The following AKAP6 variants were observed in gnomAD, a reference collection of about 807,000 sequenced individuals.
AKAP6 encodes the protein A-kinase anchor protein 6.
A neutral mutation model predicts 188.5 loss-of-function variants in AKAP6; 58 were observed. The ratio of observed to expected loss-of-function variants is 0.31; its 90% CI spans 0.25 to 0.38. The LOEUF is 0.38. Among genes scored for constraint, AKAP6 ranks in the 10% least tolerant of loss-of-function variants. The pLI is 1.00. For synonymous variants in AKAP6, 989 were observed against 998.6 expected (o/e 0.99, Z 0.18); for missense variants, 2,710 against 2,740.0 (o/e 0.99, Z 0.24).
chr14:32,769,937 A>G (rs2032847742), intron 11 of AKAP6, among the ~76,000 whole-genome samples: 1 of 152,192 alleles, frequency 6.6e-6, no homozygotes, highest in African/African-American at 2.4e-5. Flanking sequence ...CTGTTTGCAT[A>G]TATGCACATA....
intron 8 of AKAP6, among the ~76,000 whole-genome samples, chr14:32,684,696 G>T (rs1042595400): frequency 6.6e-6 from 1 of 150,828 alleles, no homozygotes; most frequent in Non-Finnish European, 1.5e-5. Context: ...ACCAAGATAT[G>T]ATATCTCAGT....
chr14:32,428,334 G>A (rs1363857713), intron 1 of AKAP6, among the ~76,000 whole-genome samples: 1 of 152,038 alleles, frequency 6.6e-6, no homozygotes, highest in Non-Finnish European at 1.5e-5. Flanking sequence ...CAATCCTGGA[G>A]CTTATACATT....
chr14:32,566,851 G>T (rs1023205317), intron 4 of AKAP6, among the ~76,000 whole-genome samples: 2 of 152,012 alleles, frequency 1.3e-5, no homozygotes. Context: ...TTAGGTCTGC[G>T]TACTTGATTA....
chr14:32,829,578 T>A (rs1594995711), intron 13 of AKAP6, among the ~76,000 whole-genome samples: 1 of 151,846 alleles, frequency 6.6e-6, no homozygotes, highest in African/African-American at 2.4e-5. Context: ...AAGGTCAAAC[T>A]TGATGATTTT....
At chr14:32,378,121 A>C (rs1456680528) in intron 1 of AKAP6, among the ~76,000 whole-genome samples, 1 of 152,210 alleles carries the variant, frequency 6.6e-6, no homozygotes, top group African/African-American at 2.4e-5. Context: ...TAGTGACATT[A>C]TGGTATGTAA....
intron 12 of AKAP6, among the ~76,000 whole-genome samples, chr14:32,784,026 A>T (rs1326876517): frequency 2.0e-5 from 3 of 152,204 alleles, no homozygotes; most frequent in Non-Finnish European, 4.4e-5. Flanking sequence ...TTATGGATCA[A>T]ATTTTCGTAT....
intron 8 of AKAP6, among the ~76,000 whole-genome samples, chr14:32,683,637 C>T (rs1365012762): frequency 2.0e-5 from 3 of 152,176 alleles, no homozygotes; most frequent in Non-Finnish European, 2.9e-5. Flanking sequence ...ATATGGAAAT[C>T]AGGAAAACCT....
chr14:32,716,538 A>C (rs2030213220), intron 9 of AKAP6, among the ~76,000 whole-genome samples: 1 of 149,530 alleles, frequency 6.7e-6, no homozygotes, highest in South Asian at 2.1e-4. Flanking sequence ...TACTACATAT[A>C]TACTATATAC....
chr14:32,504,035 T>G (rs2138993581), intron 2 of AKAP6, among the ~76,000 whole-genome samples: 1 of 152,044 alleles, frequency 6.6e-6, no homozygotes, highest in East Asian at 1.9e-4. Flanking sequence ...GTTGCTATTT[T>G]GAGGATATGG....
chr14:32,370,548 C>T lies in AKAP6; in HGVS notation c.-35+41140C>T, dbSNP rs187771481. ...GAGCTCTGCAGTGTCTTTTATTGCA[C>T]GGTTCTGAGGCTTTGCCGTTAACAA... On this transcript the variant is annotated intron_variant, in intron 1 of 13. Transcript: ENST00000280979. Among the ~76,000 whole-genome samples, 555 of 152,274 alleles carry T rather than the reference C, an allele frequency of 3.6e-3. 5 individuals are homozygous for T. The highest frequency in any genetic ancestry group is 6.1e-3 in the Admixed American group (94 of 15,300).
At chr14:32,455,840 TG>T (rs1566513245) in intron 2 of AKAP6, among the ~76,000 whole-genome samples, 1 of 152,206 alleles carries the variant, frequency 6.6e-6, no homozygotes, top group Non-Finnish European at 1.5e-5. Flanking sequence ...CAACCTACTT[TG>T]GAAGTACTGA....
At position 32,554,301 on chromosome 14, in the gene AKAP6, G is replaced by T. The variant is rs546721204; in HGVS notation, c.2346+7302G>T. Among the ~76,000 whole-genome samples, 4 of 152,302 alleles carry T rather than the reference G, an allele frequency of 2.6e-5. No individual in the cohort carries two copies. The East Asian group carries it at 5.8e-4, about 22-fold the overall frequency. On this transcript the variant is annotated intron_variant, in intron 4 of 13. Transcript: ENST00000280979. ...CTCTTGCCTTTTACAGAACAAATTT[G>T]CTGACCCCTGCTCTTGAGTAAGGAA...
chr14:32,653,335 T>G (rs906195011), intron 7 of AKAP6, among the ~76,000 whole-genome samples: 71 of 152,156 alleles, frequency 4.7e-4, no homozygotes, highest in African/African-American at 1.5e-3. Context: ...TCCCCAATGC[T>G]GGAGGCAGGG....
chr14:32,467,957 CTT>C (rs2138850175), intron 2 of AKAP6, among the ~76,000 whole-genome samples: 2 of 152,100 alleles, frequency 1.3e-5, no homozygotes, highest in African/African-American at 4.8e-5. Context: ...TCTCCCTAGT[CTT>C]TGTCATCAAG....
chr14:32,769,037 A>ATTTGTTTTTTTTTTT (rs2032806861), intron 11 of AKAP6, among the ~76,000 whole-genome samples: 1 of 56,926 alleles, frequency 1.8e-5, no homozygotes, highest in Non-Finnish European at 2.9e-5. Flanking sequence ...TGCTCTTTTG[A>ATTTGTTTTTTTTTTT]TTTTTTTTTT....
In AKAP6 at chr14:32,716,136, A is replaced by C. The variant is rs910711488; in HGVS notation, c.3001-16318A>C. ...GCAGTCTGATTCCAGGCATATATTT[A>C]ATTTTTTTAATTTTCTTAATCAATA... On this transcript the variant is annotated intron_variant, in intron 9 of 13. Transcript: ENST00000280979. 1.1e-4 allele frequency among the ~76,000 whole-genome samples: 17 copies of C among 152,102 alleles called. No homozygotes were observed. In the South Asian group the frequency reaches 3.3e-3, roughly 30 times the overall value.
At chr14:32,617,959 G>A (rs187403555) in intron 7 of AKAP6, among the ~76,000 whole-genome samples, 242 of 151,928 alleles carry the variant, frequency 1.6e-3, no homozygotes, top group Non-Finnish European at 2.7e-3. Context: ...TTCTTTAAGC[G>A]TTTGTTCCTT....
chr14:32,331,284 G>A (rs879839898), intron 1 of AKAP6, among the ~76,000 whole-genome samples: 1 of 151,984 alleles, frequency 6.6e-6, no homozygotes, highest in Non-Finnish European at 1.5e-5. Flanking sequence ...CTCTTCAGCT[G>A]CTTCATCATG....
chr14:32,370,812 C>T (rs939906618), intron 1 of AKAP6, among the ~76,000 whole-genome samples: 15 of 152,224 alleles, frequency 9.9e-5, no homozygotes, highest in African/African-American at 3.6e-4. Flanking sequence ...CATGAAAAGA[C>T]TTGGGCAGAT....
Sources: allele counts gnomAD v4.1 joint callset (sites outside exome capture counted in the v4.1 genomes callset), GRCh38; gene constraint gnomAD v4.1.1; transcripts MANE v1.5; gene names NCBI Gene and HGNC (gene_info 2026-07-23, HGNC 2026-07-21).